Variants in KCNQ1OT1 observed in about 807,000 individuals in gnomAD.
KCNQ1OT1 encodes the protein KCNQ1 opposite strand/antisense transcript 1.
rs2133806924 is a variant in KCNQ1OT1 at position 2,623,349 on chromosome 11, A to G, written n.76646T>C. 1 of 398,656 alleles carries G rather than the reference A, an allele frequency of 2.5e-6. No homozygotes were observed. Among genetic ancestry groups the G allele is most frequent in the East Asian group, 3.6e-5 (1 of 28,074 alleles). The allele number at this position is 398,656 out of a possible 1,614,324, so 24.7% of individuals were successfully genotyped here. A position where few individuals can be genotyped will look rare whatever the true frequency, so the allele number is the denominator to read the frequency against. ...ATATGCATGTATCTACCATTATAGT[A>G]TCATACAGATACGTATATTTACATA... is the stretch of plus-strand genomic sequence containing the variant. On this transcript the variant is annotated non_coding_transcript_exon_variant, in exon 1 of 1. Coordinates refer to ENST00000597346, the Ensembl canonical transcript of KCNQ1OT1. This position sits in a 1 kb window ranked among gnomAD's most constrained non-coding sequence, Gnocchi z 5.2.
chr11:2,675,043 C>T (rs1484426507), exon 1 of KCNQ1OT1: 4 of 398,484 alleles, frequency 1.0e-5, no homozygotes, highest in African/African-American at 4.1e-5. Context: ...AGGTGGGGGA[C>T]GGGGATGCCA....
At chr11:2,649,310 T>C (rs1849721887) in exon 1 of KCNQ1OT1, 1 of 398,396 alleles carries the variant, frequency 2.5e-6, no homozygotes, top group Admixed American at 4.4e-5. Flanking sequence ...TCTTTGCAAT[T>C]TTTTGGTTTT....
Position 2,620,582 on chromosome 11 carries a change from A to G in KCNQ1OT1, n.79413T>C, listed in dbSNP as rs568745041. The G allele has an allele frequency of 4.8e-5, 19 of 397,228 alleles. No individual in the cohort carries two copies. The South Asian group carries it at 5.7e-4, about 12-fold the overall frequency. 24.6% of individuals were successfully genotyped at this position (397,228 alleles called of 1,614,324 possible). On this transcript the variant is annotated non_coding_transcript_exon_variant, in exon 1 of 1. Transcript: ENST00000597346. This position sits in a 1 kb window ranked among gnomAD's most constrained non-coding sequence, Gnocchi z 4.5. Reference sequence around the variant, plus strand: ...ACATGTACCACATTTTCTTTATCCAATCCACCACTGATGGGCATCTAAGTG... The same window carrying G: ...ACATGTACCACATTTTCTTTATCCAGTCCACCACTGATGGGCATCTAAGTG...
exon 1 of KCNQ1OT1, chr11:2,610,868 C>T: frequency 2.5e-6 from 1 of 398,280 alleles, no homozygotes; most frequent in Admixed American, 4.4e-5. Flanking sequence ...CAGAGTGCCA[C>T]ATAGCCTCAC....
chr11:2,617,000 T>C, exon 1 of KCNQ1OT1: 1 of 398,244 alleles, frequency 2.5e-6, no homozygotes, highest in Non-Finnish European at 4.4e-6. Context: ...GCATATTTAG[T>C]GTATAAAACA....
At position 2,670,733 on chromosome 11, in the gene KCNQ1OT1, A is replaced by C. The variant is rs971601566; in HGVS notation, n.29262T>G. The stretch of plus-strand genomic sequence containing the variant: ...CATGGAGCAGGAGGGAACAGTCTGC[A>C]GATATTATCTGGGCACTGGCCAGTG... On this transcript the variant is annotated non_coding_transcript_exon_variant, in exon 1 of 1. Transcript: ENST00000597346. This position sits in a 1 kb window ranked among gnomAD's most constrained non-coding sequence, Gnocchi z 4.9. 2.5e-6 allele frequency: 1 copy of C among 398,484 alleles called. No homozygotes were observed. Among genetic ancestry groups the C allele is most frequent in the Non-Finnish European group, 4.4e-6 (1 of 226,076 alleles). 24.7% of individuals were successfully genotyped at this position (398,484 alleles called of 1,614,324 possible).
chr11:2,666,534 C>G, exon 1 of KCNQ1OT1: 1 of 398,702 alleles, frequency 2.5e-6, no homozygotes, highest in Non-Finnish European at 4.4e-6. Flanking sequence ...TCATCCACAT[C>G]ACTACTAATG....
At position 2,608,982 on chromosome 11, in the gene KCNQ1OT1, C is replaced by G; in HGVS notation, n.91013G>C. The stretch of plus-strand genomic sequence containing the variant: ...CAAAGGTTTGTTAATTTCAAAGAAC[C>G]AAATTTTGGATTTGTTGACTTTATT... On this transcript the variant is annotated non_coding_transcript_exon_variant, in exon 1 of 1. Coordinates refer to ENST00000597346, the Ensembl canonical transcript of KCNQ1OT1. This position sits in a 1 kb window ranked among gnomAD's most constrained non-coding sequence, Gnocchi z 4.6. 1 of 398,254 alleles carries G rather than the reference C, an allele frequency of 2.5e-6. No individual in the cohort carries two copies. The highest frequency in any genetic ancestry group is 4.4e-6 in the Non-Finnish European group (1 of 226,030). The allele number at this position is 398,254 out of a possible 1,614,324, so 24.7% of individuals were successfully genotyped here.
chr11:2,650,762 A>T (rs1229240644), exon 1 of KCNQ1OT1: 1 of 398,510 alleles, frequency 2.5e-6, no homozygotes, highest in African/African-American at 2.1e-5. Flanking sequence ...CCCACAGGCA[A>T]TTTGAAGGTA....
rs1191204672 is a variant in KCNQ1OT1 at position 2,661,398 on chromosome 11, G to A, written n.38597C>T. ...TCATAATGTGAAGCCAGCTGTTGGAGGGACTCCTGTGCCTCATTGGGGGTA... is the reference window on the plus strand; with the variant it reads ...TCATAATGTGAAGCCAGCTGTTGGAAGGACTCCTGTGCCTCATTGGGGGTA... On this transcript the variant is annotated non_coding_transcript_exon_variant, in exon 1 of 1. Transcript: ENST00000597346. The surrounding 1 kb of genome is among the most constrained non-coding windows in gnomAD (Gnocchi z 5.9). The A allele has an allele frequency of 2.4e-6, 1 of 409,892 alleles. No homozygotes were observed. The highest frequency in any genetic ancestry group is 3.5e-5 in the East Asian group (1 of 28,752). 25.4% of individuals were successfully genotyped at this position (409,892 alleles called of 1,614,324 possible). A position where few individuals can be genotyped will look rare whatever the true frequency, so the allele number is the denominator to read the frequency against.
exon 1 of KCNQ1OT1, chr11:2,629,635 G>A (rs956172404): frequency 3.0e-5 from 12 of 398,254 alleles, no homozygotes; most frequent in Middle Eastern, 6.2e-4. Flanking sequence ...GAAATCATGC[G>A]TTCATATATG....
exon 1 of KCNQ1OT1, chr11:2,616,288 T>A: frequency 2.5e-6 from 1 of 397,910 alleles, no homozygotes; most frequent in Non-Finnish European, 4.4e-6. Context: ...TCTAATTTTT[T>A]ATTAGTCATT....
chr11:2,665,648 C>CCTCA, exon 1 of KCNQ1OT1: 1 of 397,934 alleles, frequency 2.5e-6, no homozygotes, highest in Admixed American at 4.4e-5. Context: ...CTCTCAAAGC[C>CCTCA]CTCAGTACCA....
chr11:2,688,407 C>G (rs776671164), exon 1 of KCNQ1OT1: 6 of 398,674 alleles, frequency 1.5e-5, no homozygotes, highest in Non-Finnish European at 2.2e-5. Flanking sequence ...TGCTGATCCT[C>G]TGTGTAGGCA....
Position 2,687,484 on chromosome 11 carries a change from C to T in KCNQ1OT1, n.12511G>A, listed in dbSNP as rs1564858327. On this transcript the variant is annotated non_coding_transcript_exon_variant, in exon 1 of 1. Transcript: ENST00000597346. The surrounding 1 kb of genome is among the most constrained non-coding windows in gnomAD (Gnocchi z 5.0). ...AGCTGCTGCAGCATTTCAATAGGGC[C>T]ATCCCAGGCACCCTAGGACTTGAGA... is the stretch of plus-strand genomic sequence containing the variant. 4 of 398,698 alleles carry T rather than the reference C, an allele frequency of 1.0e-5. No homozygotes were observed. Among genetic ancestry groups the T allele is most frequent in the Non-Finnish European group, 1.8e-5 (4 of 226,252 alleles). The allele number at this position is 398,698 out of a possible 1,614,324, so 24.7% of individuals were successfully genotyped here. A position where few individuals can be genotyped will look rare whatever the true frequency, so the allele number is the denominator to read the frequency against.
In KCNQ1OT1 at chr11:2,616,223, G is replaced by GTT. The variant is rs138326980; in HGVS notation, n.83770_83771dup. 1.0e-4 allele frequency: 40 copies of GTT among 386,254 alleles called. No individual in the cohort carries two copies. The South Asian group carries it at 4.1e-3, about 40-fold the overall frequency. 23.9% of individuals were successfully genotyped at this position (386,254 alleles called of 1,614,324 possible). On this transcript the variant is annotated non_coding_transcript_exon_variant, in exon 1 of 1. Transcript: ENST00000597346. ...ACTTTTGTTTTTTTTTCTTATTTTT[G>GTT]TTTTTTTTTGTTGTGTTCCTACTTT...
chr11:2,652,830 G>C lies in KCNQ1OT1; in HGVS notation n.47165C>G, dbSNP rs562136895. ...CTGCAGAGACATTTCCGTTCACTCTGAGATTTGTGTATGCTGAGGCTTGCT... is the reference window on the plus strand; with the variant it reads ...CTGCAGAGACATTTCCGTTCACTCTCAGATTTGTGTATGCTGAGGCTTGCT... On this transcript the variant is annotated non_coding_transcript_exon_variant, in exon 1 of 1. Coordinates refer to ENST00000597346, the Ensembl canonical transcript of KCNQ1OT1. This position sits in a 1 kb window ranked among gnomAD's most constrained non-coding sequence, Gnocchi z 5.9. 2.5e-6 allele frequency: 1 copy of C among 398,886 alleles called. No individual in the cohort carries two copies. The highest frequency in any genetic ancestry group is 4.4e-6 in the Non-Finnish European group (1 of 226,268). The allele number at this position is 398,886 out of a possible 1,614,324, so 24.7% of individuals were successfully genotyped here.
rs1023060474 is a variant in KCNQ1OT1, at chr11:2,612,829, T to G, written n.87166A>C. 1 of 398,450 alleles carries G rather than the reference T, an allele frequency of 2.5e-6. No individual in the cohort carries two copies. The highest frequency in any genetic ancestry group is 4.4e-6 in the Non-Finnish European group (1 of 226,058). 24.7% of individuals were successfully genotyped at this position (398,450 alleles called of 1,614,324 possible). Reference sequence around the variant, plus strand: ...TCATTTTTTTTGTTAAAAACTTACTTTAGATAATATATCGTAGAAACTCTG... The same window carrying G: ...TCATTTTTTTTGTTAAAAACTTACTGTAGATAATATATCGTAGAAACTCTG... On this transcript the variant is annotated non_coding_transcript_exon_variant, in exon 1 of 1. Transcript: ENST00000597346. The surrounding 1 kb of genome is among the most constrained non-coding windows in gnomAD (Gnocchi z 5.5).
exon 1 of KCNQ1OT1, chr11:2,616,963 GTTTT>G (rs35383069): frequency 2.8e-6 from 1 of 351,986 alleles, no homozygotes; most frequent in South Asian, 1.3e-4. Context: ...ATCTTGTTGT[GTTTT>G]TTTTTTTTAA....
Sources: gnomAD v4.1 joint callset for allele counts on GRCh38, gnomAD v4.1.1 for gene constraint, Gnocchi (gnomAD v3.1) non-coding constraint, MANE v1.5 for transcripts, NCBI Gene and HGNC (gene_info 2026-07-23, HGNC 2026-07-21) for gene names.